BDNF: variants seen among roughly 807,000 people sequenced by gnomAD.
BDNF encodes the protein neurotrophic factor BDNF precursor form.
BDNF carries 1 observed loss-of-function variant against 19.5 expected under a neutral mutation model. The ratio of observed to expected loss-of-function variants is 0.05; its 90% CI spans 0.02 to 0.24. The LOEUF (loss-of-function observed/expected upper bound fraction) is 0.24. Ranked by LOEUF, BDNF falls within the 10% of genes least tolerant of loss-of-function variation. The pLI, the probability that BDNF is intolerant of heterozygous loss-of-function variation, is 1.00. For missense variants in BDNF, 195 were observed against 317.6 expected, an observed-to-expected ratio of 0.61 and a Z score of 2.93; for synonymous variants, 100 against 121.6, an observed-to-expected ratio of 0.82 and a Z score of 1.17.
At chr11:27,661,784 G>T (rs963440936) in intron 1 of BDNF, among the ~76,000 whole-genome samples, 3 of 152,064 alleles carry the variant, frequency 2.0e-5, no homozygotes, top group Non-Finnish European at 2.9e-5. Flanking sequence ...AGAGTCCTTG[G>T]AGTGCCGTAC....
rs1035671775 is a variant in BDNF at position 27,708,432 on chromosome 11, T to C, written c.3+12980A>G. 3.9e-5 allele frequency among the ~76,000 whole-genome samples: 6 copies of C among 152,340 alleles called. No individual in the cohort carries two copies. In the East Asian group the frequency reaches 1.2e-3, roughly 29 times the overall value. On this transcript the variant is annotated intron_variant, in intron 1 of 1. Coordinates refer to the BDNF transcript ENST00000314915. Reference sequence around the variant, plus strand: ...ATCATGCTAATCTACATGATGCCAATTTATCTCAAAAGTATGTACAAGTTT... The same window carrying C: ...ATCATGCTAATCTACATGATGCCAACTTATCTCAAAAGTATGTACAAGTTT...
In BDNF at chr11:27,657,425, G is replaced by A. The variant is rs1399788893; in HGVS notation, c.*396C>T. On this transcript the variant is annotated 3_prime_UTR_variant, in exon 2 of 2. Coordinates refer to ENST00000356660, the MANE Select transcript of BDNF (RefSeq NM_001709.5). This position sits in a 1 kb window ranked among gnomAD's most constrained non-coding sequence, Gnocchi z 5.0. ...GATACTTACTGTCTAAAATGTAAACGGAATGTTTTGGTTCAAATTTTTGTT... is the reference window on the plus strand; with the variant it reads ...GATACTTACTGTCTAAAATGTAAACAGAATGTTTTGGTTCAAATTTTTGTT... The A allele has an allele frequency of 1.9e-5, 20 of 1,040,696 alleles. No individual in the cohort carries two copies. The highest frequency in any genetic ancestry group is 3.5e-5 in the African/African-American group (2 of 57,726). The allele number at this position is 1,040,696 out of a possible 1,614,324, so 64.5% of individuals were successfully genotyped here.
intron 1 of BDNF, chr11:27,659,218 C>T (rs1852999502): frequency 1.0e-6 from 1 of 995,128 alleles, no homozygotes; most frequent in South Asian, 4.7e-5. Flanking sequence ...TTGAGCCATC[C>T]TGTTTTACAG....
upstream of BDNF, chr11:27,701,184 A>G: frequency 1.7e-6 from 2 of 1,192,204 alleles, no homozygotes; most frequent in Non-Finnish European, 2.2e-6. Flanking sequence ...ACGTTACACC[A>G]AGTTACTTGT....
At chr11:27,666,177 C>T (rs1453006956) in intron 1 of BDNF, among the ~76,000 whole-genome samples, 1 of 152,204 alleles carries the variant, frequency 6.6e-6, no homozygotes, top group Non-Finnish European at 1.5e-5. Context: ...GGACCTCCAG[C>T]AAACTCCAAC....
In BDNF at chr11:27,674,165, G is replaced by A. The variant is rs141032455; in HGVS notation, c.-21-15580C>T. 1,483 of 1,610,766 alleles carry A rather than the reference G, an allele frequency of 9.2e-4. 1 individual carries two copies. The highest frequency in any genetic ancestry group is 1.2e-3 in the Admixed American group (72 of 59,478). On this transcript the variant is annotated intron_variant, in intron 1 of 1. Transcript: ENST00000356660. Reference sequence around the variant, plus strand: ...ATGCACAGTCATGCCATACAGAAGCGTGTGGGTAGACGCCAAAACATGTGT... The same window carrying A: ...ATGCACAGTCATGCCATACAGAAGCATGTGGGTAGACGCCAAAACATGTGT...
chr11:27,682,672 TCCTGTGTTA>T (rs1353365424), intron 1 of BDNF, among the ~76,000 whole-genome samples: 2 of 152,048 alleles, frequency 1.3e-5, no homozygotes, highest in Non-Finnish European at 2.9e-5. Flanking sequence ...GGTTTTCTGT[TCCTGTGTTA>T]CCTTGCCAAG....
upstream of BDNF, among the ~76,000 whole-genome samples, chr11:27,701,866 C>T (rs1859914570): frequency 6.6e-6 from 1 of 152,146 alleles, no homozygotes; most frequent in African/African-American, 2.4e-5. Context: ...TAATAACGAA[C>T]CAGGGCAGCC....
chr11:27,659,714 C>T, intron 1 of BDNF: 1 of 984,842 alleles, frequency 1.0e-6, no homozygotes, highest in Non-Finnish European at 1.2e-6. Flanking sequence ...GTGTTTTACA[C>T]ATTTTGGAAT....
At position 27,680,035 on chromosome 11, in the gene BDNF, T is replaced by A. The variant is rs1856640758; in HGVS notation, c.-22+20129A>T. 2.0e-5 allele frequency among the ~76,000 whole-genome samples: 3 copies of A among 152,364 alleles called. No individual in the cohort carries two copies. The South Asian group carries it at 6.2e-4, about 32-fold the overall frequency. On this transcript the variant is annotated intron_variant, in intron 1 of 1. Coordinates refer to ENST00000356660, the MANE Select transcript of BDNF (RefSeq NM_001709.5). ...TTTAGGAGAGCCTTTCTTTTGGATG[T>A]CAACTTGTCAAACTTGCAGTTTAGA...
At position 27,663,761 on chromosome 11, in the gene BDNF, G is replaced by A. The variant is rs184548784; in HGVS notation, c.-21-5176C>T. 3.4e-4 allele frequency among the ~76,000 whole-genome samples: 52 copies of A among 152,238 alleles called. 1 individual carries two copies. Among genetic ancestry groups the A allele is most frequent in the African/African-American group, 1.2e-3 (49 of 41,550 alleles). On this transcript the variant is annotated intron_variant, in intron 1 of 1. Transcript: ENST00000356660. ...CAGAGAAGAGAGTGGCTGTGACAAC[G>A]AAGGAGCTTACAAAATGTGGACACT...
At chr11:27,665,041 C>A (rs1360069884) in intron 1 of BDNF, among the ~76,000 whole-genome samples, 1 of 152,108 alleles carries the variant, frequency 6.6e-6, no homozygotes, top group African/African-American at 2.4e-5. Context: ...GTTTACAGGA[C>A]CCAAATGGCA....
At chr11:27,710,200 C>T (rs1306652329) in intron 1 of BDNF, among the ~76,000 whole-genome samples, 6 of 152,108 alleles carry the variant, frequency 3.9e-5, no homozygotes, top group East Asian at 1.9e-4. Flanking sequence ...CATAGACTTC[C>T]GCATCTTTGA....
intron 1 of BDNF, among the ~76,000 whole-genome samples, chr11:27,661,970 C>A (rs942748570): frequency 6.6e-6 from 1 of 150,824 alleles, no homozygotes; most frequent in Non-Finnish European, 1.5e-5. Context: ...CACATTACAT[C>A]TTACGTAGTA....
intron 1 of BDNF, chr11:27,674,898 G>A: frequency 1.1e-6 from 1 of 895,886 alleles, no homozygotes; most frequent in Non-Finnish European, 1.3e-6. Flanking sequence ...TAAGTAAAAT[G>A]TTTCTCTTTG....
chr11:27,699,636 A>G lies in BDNF; in HGVS notation c.-22+528T>C, dbSNP rs763551107. ...GGCTTCGGACTTGTAAGTCCACTTC[A>G]GTCTCAATTCCTGGGGAGCAGGTAG... is the stretch of plus-strand genomic sequence containing the variant. On this transcript the variant is annotated intron_variant, in intron 1 of 1. Coordinates refer to ENST00000356660, the MANE Select transcript of BDNF (RefSeq NM_001709.5). 11 of 1,439,120 alleles carry G rather than the reference A, an allele frequency of 7.6e-6. No individual in the cohort carries two copies. In the South Asian group the frequency reaches 1.6e-4, roughly 21 times the overall value. 89.1% of individuals were successfully genotyped at this position (1,439,120 alleles called of 1,614,324 possible).
intron 1 of BDNF, chr11:27,720,517 T>C: frequency 1.0e-6 from 1 of 985,778 alleles, no homozygotes; most frequent in African/African-American, 1.7e-5. Flanking sequence ...GGGGCTCGCT[T>C]TCCAAACGCT....
In BDNF at chr11:27,674,138, G is replaced by C. The variant is rs1435589974; in HGVS notation, c.-21-15553C>G. On this transcript the variant is annotated intron_variant, in intron 1 of 1. Coordinates refer to ENST00000356660, the MANE Select transcript of BDNF (RefSeq NM_001709.5). ...GGTACACAGCACAGCCCTTCTTCTG[G>C]GATGCACAGTCATGCCATACAGAAG... 4 of 1,611,562 alleles carry C rather than the reference G, an allele frequency of 2.5e-6. No homozygotes were observed. In the African/African-American group the frequency reaches 5.3e-5, roughly 22 times the overall value.
chr11:27,672,055 T>C (rs181345903), intron 1 of BDNF, among the ~76,000 whole-genome samples: 17 of 152,296 alleles, frequency 1.1e-4, no homozygotes, highest in Admixed American at 3.3e-4. Flanking sequence ...TGGGAAAATA[T>C]CTTTGCTTTT....
Sources: gnomAD v4.1 joint callset for allele counts (sites outside exome capture counted in the v4.1 genomes callset) on GRCh38, gnomAD v4.1.1 for gene constraint, Gnocchi (gnomAD v3.1) non-coding constraint, MANE v1.5 for transcripts, NCBI Gene and HGNC (gene_info 2026-07-23, HGNC 2026-07-21) for gene names.